HERC4: variants seen among roughly 807,000 people sequenced by gnomAD.
HERC4 encodes the protein HECT and RLD domain containing E3 ubiquitin protein ligase 4.
In HERC4, 28 loss-of-function variants were observed where a neutral mutation model predicts 124.3. The observed-to-expected ratio is 0.23, with a 90% CI of 0.17 to 0.31. The LOEUF is 0.31. Ranked by LOEUF, HERC4 falls within the 10% of genes least tolerant of loss-of-function variation. The probability of loss-of-function intolerance (pLI) is 1.00; values close to 1 mark genes in which losing one functional copy is unlikely to be tolerated. For synonymous variants in HERC4, 407 were observed against 421.5 expected, an observed-to-expected ratio of 0.97 and a Z score of 0.42; for missense variants, 713 against 1,229.3, an observed-to-expected ratio of 0.58 and a Z score of 6.28.
chr10:67,982,419 T>C (rs1374578695), intron 15 of HERC4, among the ~76,000 whole-genome samples: 2 of 152,168 alleles, frequency 1.3e-5, no homozygotes, highest in East Asian at 1.9e-4. Context: ...AAACTGAATA[T>C]CTGTATGAAG....
intron 19 of HERC4, among the ~76,000 whole-genome samples, chr10:67,946,847 C>T (rs2033401308): frequency 2.0e-5 from 3 of 152,252 alleles, no homozygotes; most frequent in Middle Eastern, 3.4e-3. Context: ...GTAGATGTTG[C>T]ATTGAGTCAA....
At chr10:68,032,920 T>C (rs1564571613) in intron 6 of HERC4, 51 bp from the exon 7 acceptor site, 2 of 932,610 alleles carry the variant, frequency 2.1e-6, no homozygotes, top group South Asian at 1.3e-5. Context: ...TCAAAACTCA[T>C]CTAGATGTGT....
intron 16 of HERC4, among the ~76,000 whole-genome samples, chr10:67,962,915 CTG>C (rs2034613706): frequency 6.6e-6 from 1 of 152,210 alleles, no homozygotes; most frequent in Admixed American, 6.5e-5. Context: ...AAAGACTTAA[CTG>C]TGTGCCAGAA....
intron 23 of HERC4, 91 bp downstream of exon 23, chr10:67,932,506 G>A: frequency 1.9e-6 from 2 of 1,066,400 alleles, no homozygotes; most frequent in Non-Finnish European, 2.7e-6. Flanking sequence ...TAGTAATAAA[G>A]TGTATAAAAT....
At chr10:67,974,342 A>G (rs577344241) in intron 15 of HERC4, among the ~76,000 whole-genome samples, 1 of 152,278 alleles carries the variant, frequency 6.6e-6, no homozygotes, top group Non-Finnish European at 1.5e-5. Context: ...GAGAAGAAAA[A>G]CCACCAAAGA....
chr10:67,922,291 C>G lies in HERC4; in HGVS notation c.*640G>C, dbSNP rs986368425. ...TCAGGATTCACAAAGAAAAGAACTG[C>G]AGGTTATGTAGTATATTCCCTATCT... On this transcript the variant is annotated 3_prime_UTR_variant, in exon 25 of 25. Transcript: ENST00000373700. 6.6e-6 allele frequency: 1 copy of G among 152,146 alleles called. No homozygotes were observed. The highest frequency in any genetic ancestry group is 1.5e-5 in the Non-Finnish European group (1 of 67,998). The allele number at this position is 152,146 out of a possible 1,614,324, so 9.4% of individuals were successfully genotyped here.
intron 4 of HERC4, among the ~76,000 whole-genome samples, chr10:68,039,199 C>T (rs1476311352): frequency 6.6e-6 from 1 of 150,814 alleles, no homozygotes; most frequent in Non-Finnish European, 1.5e-5. Context: ...CGCTGTAGTC[C>T]CAGCTACTCG....
chr10:67,978,138 T>C (rs1286637674), intron 15 of HERC4, among the ~76,000 whole-genome samples: 1 of 150,390 alleles, frequency 6.6e-6, no homozygotes, highest in Non-Finnish European at 1.5e-5. Context: ...TAGCCAGGCA[T>C]AGTGGTGCAG....
intron 8 of HERC4, among the ~76,000 whole-genome samples, chr10:68,017,753 T>C (rs970917831): frequency 1.4e-4 from 22 of 152,138 alleles, no homozygotes; most frequent in African/African-American, 5.1e-4. Flanking sequence ...CCTCCCAAAG[T>C]GCTGGGATTA....
At chr10:67,988,947 C>T (rs1365606558) in intron 14 of HERC4, 112 bp from the exon 15 acceptor site, 2 of 776,280 alleles carry the variant, frequency 2.6e-6, no homozygotes, top group African/African-American at 1.8e-5. Flanking sequence ...TGAGAAAACC[C>T]CAGAAAGATG....
At chr10:67,935,528 A>C (rs1245305513) in intron 22 of HERC4, among the ~76,000 whole-genome samples, 1 of 152,100 alleles carries the variant, frequency 6.6e-6, no homozygotes. Flanking sequence ...GGAGCTATAG[A>C]CTTTCAGCAC....
At chr10:68,032,918 C>T (rs752670245) in intron 6 of HERC4, 49 bp from the exon 7 acceptor site, 1 of 949,274 alleles carries the variant, frequency 1.1e-6, no homozygotes, top group South Asian at 1.3e-5. Flanking sequence ...AATCAAAACT[C>T]ATCTAGATGT....
At position 68,073,005 on chromosome 10, in the gene HERC4, C is replaced by T. The variant is rs765765831; in HGVS notation, c.104G>A (p.Arg35Lys). 2.5e-6 allele frequency: 4 copies of T among 1,613,914 alleles called. No individual in the cohort carries two copies. The East Asian group carries it at 8.9e-5, about 36-fold the overall frequency. Residue 35 changes from arginine (R) to lysine (K), a missense_variant, in exon 3 of 25, where the codon AGG (arginine) becomes AAG (lysine). Coordinates refer to ENST00000373700, the MANE Select transcript of HERC4 (RefSeq NM_015601.4). Reference sequence around the variant, plus strand: ...GAGTCCACATCCTACATCTCGGACCCTTTTATTTATAAAGAAGTCACTTTT... The same window carrying T: ...GAGTCCACATCCTACATCTCGGACCTTTTTATTTATAAAGAAGTCACTTTT... ...PRKSDFFINK[R>K]VRDVGCGLRH...
chr10:68,036,916 C>T (rs1287194207), intron 5 of HERC4, among the ~76,000 whole-genome samples: 1 of 151,848 alleles, frequency 6.6e-6, no homozygotes, highest in Non-Finnish European at 1.5e-5. Flanking sequence ...TTTTTTCTGC[C>T]TCAGACTACA....
chr10:67,932,294 C>T (rs2031906733), intron 23 of HERC4, among the ~76,000 whole-genome samples: 1 of 152,116 alleles, frequency 6.6e-6, no homozygotes, highest in Non-Finnish European at 1.5e-5. Flanking sequence ...CTGTGCTCCC[C>T]AGGCTGCTGT....
intron 3 of HERC4, among the ~76,000 whole-genome samples, chr10:68,059,481 T>TTATATATTATAA (rs1491551691): frequency 6.9e-5 from 9 of 130,492 alleles, no homozygotes; most frequent in African/African-American, 2.6e-4. Context: ...TATTATAATA[T>TTATATATTATAA]TATATATTAT....
chr10:68,018,909 T>TTG (rs2038427237), intron 8 of HERC4, among the ~76,000 whole-genome samples: 1 of 151,084 alleles, frequency 6.6e-6, no homozygotes, highest in Admixed American at 6.6e-5. Context: ...GCTTTTTTTT[T>TTG]TTTTTTTTTT....
In HERC4 at chr10:67,940,935, T is replaced by C. The variant is rs2032833662; in HGVS notation, c.2504+4A>G. 1 of 1,606,814 alleles carries C rather than the reference T, an allele frequency of 6.2e-7. No homozygotes were observed. The highest frequency in any genetic ancestry group is 8.5e-7 in the Non-Finnish European group (1 of 1,178,090). On this transcript the variant is annotated splice_donor_region_variant and intron_variant, in intron 20 of 24. Transcript: ENST00000373700. ...CTACTTTTTGACTTTTTTTTCCAAC[T>C]AACCTCCCAACATCAGGCATTAGTT...
intron 7 of HERC4, among the ~76,000 whole-genome samples, chr10:68,026,076 CATAA>C (rs1380067457): frequency 6.6e-6 from 1 of 152,108 alleles, no homozygotes. Flanking sequence ...AACCAGAGTG[CATAA>C]ATAGAGCAAT....
Sources: allele counts gnomAD v4.1 joint callset (sites outside exome capture counted in the v4.1 genomes callset), GRCh38; gene constraint gnomAD v4.1.1; transcripts MANE v1.5; gene names NCBI Gene and HGNC (gene_info 2026-07-23, HGNC 2026-07-21).